Variants in TENM2 observed in about 807,000 individuals in gnomAD.
The protein encoded by TENM2 is teneurin-2.
In TENM2, 52 loss-of-function variants were observed where a neutral mutation model predicts 245.2. The ratio of observed to expected loss-of-function variants is 0.21; its 90% confidence interval spans 0.17 to 0.27. The LOEUF is 0.27. Among genes scored for constraint, TENM2 ranks in the 10% least tolerant of loss-of-function variants. The pLI is 1.00. For synonymous variants in TENM2, 1,363 were observed against 1,438.9 expected (o/e 0.95, Z 1.19); for missense variants, 3,046 against 3,666.8 (o/e 0.83, Z 4.37).
intron 2 of TENM2, among the ~76,000 whole-genome samples, chr5:167,413,660 A>G (rs897703424): frequency 4.6e-5 from 7 of 152,152 alleles, no homozygotes; most frequent in African/African-American, 1.2e-4. Context: ...GCCAGACCCT[A>G]TGCTTTACGT....
intron 1 of TENM2, chr5:167,306,477 G>A (rs1349748767): frequency 4.1e-5 from 6 of 148,120 alleles, no homozygotes; most frequent in African/African-American, 1.0e-4. Flanking sequence ...TTTCTGTAAG[G>A]GGAAAGAATC....
chr5:168,040,181 A>C (rs527711276), intron 5 of TENM2, among the ~76,000 whole-genome samples: 1 of 152,308 alleles, frequency 6.6e-6, no homozygotes, highest in East Asian at 1.9e-4. Flanking sequence ...TACTTTTGTG[A>C]GGGACTAGAA....
At chr5:168,086,222 G>C (rs913244581) in intron 7 of TENM2, among the ~76,000 whole-genome samples, 10 of 152,128 alleles carry the variant, frequency 6.6e-5, no homozygotes, top group African/African-American at 2.4e-4. Flanking sequence ...CCGCTCCACG[G>C]TCTAGGCTCT....
chr5:167,571,510 C>A (rs140810845), intron 2 of TENM2, among the ~76,000 whole-genome samples: 2,540 of 152,240 alleles, frequency 0.017, 40 homozygotes, highest in Middle Eastern at 0.037. Context: ...CCTAGCCCCC[C>A]ACCCTACTCA....
intron 2 of TENM2, among the ~76,000 whole-genome samples, chr5:167,687,429 G>A (rs988478391): frequency 6.6e-6 from 1 of 152,178 alleles, no homozygotes; most frequent in African/African-American, 2.4e-5. Flanking sequence ...TGAAATGGAA[G>A]CATTGGGAGA....
intron 2 of TENM2, among the ~76,000 whole-genome samples, chr5:167,509,296 G>T (rs1178814296): frequency 6.6e-6 from 1 of 152,196 alleles, no homozygotes; most frequent in Non-Finnish European, 1.5e-5. Flanking sequence ...GTGGTGAGAA[G>T]CAATGCTGCA....
intron 27 of TENM2, among the ~76,000 whole-genome samples, chr5:168,258,663 T>A (rs954751708): frequency 6.6e-6 from 1 of 152,178 alleles, no homozygotes; most frequent in Non-Finnish European, 1.5e-5. Context: ...TGGGATTCCA[T>A]TCATGTCAAA....
At chr5:167,738,710 T>C (rs1250896896) in intron 2 of TENM2, among the ~76,000 whole-genome samples, 1 of 152,142 alleles carries the variant, frequency 6.6e-6, no homozygotes, top group Admixed American at 6.5e-5. Context: ...GTGTGGTTTT[T>C]CCTGAGACCT....
the TENM2 span, among the ~76,000 whole-genome samples, chr5:167,108,401 C>T: frequency 6.6e-5 from 10 of 152,298 alleles, no homozygotes; most frequent in African/African-American, 2.4e-4. Flanking sequence ...GCTAGGATTA[C>T]AGGCGTGAGT....
intron 2 of TENM2, among the ~76,000 whole-genome samples, chr5:167,409,805 A>T (rs1762816024): frequency 6.6e-6 from 1 of 151,766 alleles, no homozygotes; most frequent in Admixed American, 6.6e-5. Flanking sequence ...TGATAATAGC[A>T]AAATACCAGT....
chr5:167,958,831 G>A (rs141959429), intron 4 of TENM2, among the ~76,000 whole-genome samples: 250 of 151,862 alleles, frequency 1.6e-3, no homozygotes, highest in African/African-American at 5.6e-3. Context: ...GGCTTGTAGC[G>A]TGTCTGCAGA....
chr5:166,997,906 A>G, the TENM2 span, among the ~76,000 whole-genome samples: 1 of 152,146 alleles, frequency 6.6e-6, no homozygotes, highest in African/African-American at 2.4e-5. Context: ...AATAAACAAC[A>G]GATAAATATA....
chr5:168,002,282 C>A (rs937241125), intron 5 of TENM2, among the ~76,000 whole-genome samples: 1 of 152,082 alleles, frequency 6.6e-6, no homozygotes, highest in African/African-American at 2.4e-5. Flanking sequence ...CAAACATGTT[C>A]GGCACTCCCC....
At chr5:167,606,588 C>A (rs1777066361) in intron 2 of TENM2, among the ~76,000 whole-genome samples, 1 of 152,074 alleles carries the variant, frequency 6.6e-6, no homozygotes, top group African/African-American at 2.4e-5. Context: ...GGGAAAGCAC[C>A]AGCATTTAGT....
chr5:168,125,181 T>A, intron 11 of TENM2, 131 bp downstream of exon 13: 1 of 761,426 alleles, frequency 1.3e-6, no homozygotes, highest in Non-Finnish European at 2.1e-6. Flanking sequence ...TCACATTGTG[T>A]CTTTCTCATT....
chr5:167,731,714 T>C (rs950665719), intron 2 of TENM2, among the ~76,000 whole-genome samples: 1 of 151,516 alleles, frequency 6.6e-6, no homozygotes, highest in Non-Finnish European at 1.5e-5. Flanking sequence ...TTTTTTTTTT[T>C]TGAAATATTT....
Position 168,193,273 on chromosome 5 carries a change from C to T in TENM2, c.2781-1903C>T, listed in dbSNP as rs141636462. On this transcript the variant is annotated intron_variant, in intron 14 of 28. Coordinates refer to ENST00000518659, the Ensembl canonical transcript of TENM2. ...TGAATTCCAGTACATTATCATCTTACAAATAACGAAGGACAAAGCTAGGAG... is the reference window on the plus strand; with the variant it reads ...TGAATTCCAGTACATTATCATCTTATAAATAACGAAGGACAAAGCTAGGAG... Among the ~76,000 whole-genome samples, 297 of 152,226 alleles carry T rather than the reference C, an allele frequency of 2.0e-3. 3 individuals are homozygous for T. The highest frequency in any genetic ancestry group is 7.0e-3 in the African/African-American group (290 of 41,532).
chr5:167,995,682 A>G (rs531385632), intron 5 of TENM2, among the ~76,000 whole-genome samples: 1 of 152,346 alleles, frequency 6.6e-6, no homozygotes, highest in African/African-American at 2.4e-5. Context: ...TCCTAAGTAC[A>G]ACATGGGGGC....
chr5:167,356,053 G>A (rs975015016), intron 1 of TENM2, among the ~76,000 whole-genome samples: 1 of 150,862 alleles, frequency 6.6e-6, no homozygotes, highest in Admixed American at 6.6e-5. Flanking sequence ...ATGATGGCGG[G>A]TGCCTGTAAT....
Sources: gnomAD v4.1 joint callset for allele counts (sites outside exome capture counted in the v4.1 genomes callset) on GRCh38, gnomAD v4.1.1 for gene constraint, MANE v1.5 for transcripts, NCBI Gene and HGNC (gene_info 2026-07-23, HGNC 2026-07-21) for gene names.